The following HHIPL2 variants were observed in gnomAD, a reference collection of about 807,000 sequenced individuals.
HHIPL2 encodes HHIP-like protein 2.
A neutral mutation model predicts 61.0 loss-of-function variants in HHIPL2; 61 were observed. The observed-to-expected ratio is 1.00, with a 90% CI of 0.81 to 1.24. The LOEUF (loss-of-function observed/expected upper bound fraction) is 1.24. Among genes scored for constraint, HHIPL2 ranks in the 50% most tolerant of loss-of-function variants. The pLI, the probability that HHIPL2 is intolerant of heterozygous loss-of-function variation, is 0.00. For synonymous variants in HHIPL2, 343 were observed against 357.4 expected, an observed-to-expected ratio of 0.96 and a Z score of 0.45; for missense variants, 885 against 910.2, an observed-to-expected ratio of 0.97 and a Z score of 0.36.
intron 5 of HHIPL2, among the ~76,000 whole-genome samples, chr1:222,536,559 A>C (rs1659306191): frequency 6.6e-6 from 1 of 152,250 alleles, no homozygotes. Context: ...GGAAGAACAC[A>C]TAAGGAAAAA....
At chr1:222,542,516 C>T (rs1297708270) in intron 2 of HHIPL2, among the ~76,000 whole-genome samples, 2 of 149,894 alleles carry the variant, frequency 1.3e-5, no homozygotes, top group African/African-American at 4.9e-5. Context: ...ATTACCACCC[C>T]ACCACATCTG....
intron 2 of HHIPL2, among the ~76,000 whole-genome samples, chr1:222,542,556 A>T (rs1355470018): frequency 1.4e-4 from 13 of 91,700 alleles, no homozygotes; most frequent in Non-Finnish European, 2.4e-4. Flanking sequence ...TTTGAGATGG[A>T]GTCTTGCTCT....
chr1:222,541,898 G>C, intron 3 of HHIPL2, 114 bp downstream of exon 3: 1 of 1,084,588 alleles, frequency 9.2e-7, no homozygotes, highest in Non-Finnish European at 1.3e-6. Context: ...CATTGCCTCA[G>C]TGGAGTAGAC....
At chr1:222,542,978 CTCTT>C (rs1478511359) in intron 2 of HHIPL2, among the ~76,000 whole-genome samples, 2 of 152,166 alleles carry the variant, frequency 1.3e-5, no homozygotes, top group African/African-American at 4.8e-5. Flanking sequence ...GTTCTTTATG[CTCTT>C]TGCAATCCTC....
intron 7 of HHIPL2, chr1:222,524,021 A>G (rs549280137): frequency 4.8e-4 from 145 of 301,314 alleles, no homozygotes; most frequent in Admixed American, 2.0e-3. Flanking sequence ...ATCAAATGCA[A>G]AAACTAATGT....
rs1553271590 is a variant in HHIPL2 at position 222,546,047 on chromosome 1, A to AAATAAATAAATAAAT, written c.321+1676_321+1677insATTTATTTATTTATT. Among the ~76,000 whole-genome samples the AAATAAATAAATAAAT allele has an allele frequency of 5.6e-3, 788 of 141,354 alleles. 7 individuals are homozygous for AAATAAATAAATAAAT. Among genetic ancestry groups the AAATAAATAAATAAAT allele is most frequent in the Non-Finnish European group, 8.9e-3 (581 of 65,524 alleles). The allele number at this position is 141,354 out of a possible 152,430, so 92.7% of individuals were successfully genotyped here. ...GTGACAGAGTAAGACTCTGTCTCAA[A>AAATAAATAAATAAAT]AAATAAATAAATAAATAAATAAATA... On this transcript the variant is annotated intron_variant, in intron 1 of 8. Coordinates refer to ENST00000343410, the MANE Select transcript of HHIPL2 (RefSeq NM_024746.4).
rs1261883259 is a variant in HHIPL2 at position 222,542,053 on chromosome 1, C to T, written c.1077G>A (p.Gln359=). The change falls in exon 3 of 9, where the codon CAG becomes CAA. Residue 359 remains glutamine, a synonymous_variant. Coordinates refer to ENST00000343410, the MANE Select transcript of HHIPL2 (RefSeq NM_024746.4). Reference sequence around the variant, plus strand: ...CAAACAGGCCAAAGGGATCTCCAGCCTGTCCCCCGTCCCCAGTGAATATGT... The same window carrying T: ...CAAACAGGCCAAAGGGATCTCCAGCTTGTCCCCCGTCCCCAGTGAATATGT... ...YMYIFTGDGG[Q]AGDPFGLFGN... 1.2e-6 allele frequency: 2 copies of T among 1,614,042 alleles called. No individual in the cohort carries two copies. Among genetic ancestry groups the T allele is most frequent in the East Asian group, 2.2e-5 (1 of 44,846 alleles).
chr1:222,532,180 G>T, intron 5 of HHIPL2, 69 bp from the exon 6 acceptor site: 3 of 1,416,826 alleles, frequency 2.1e-6, no homozygotes, highest in Non-Finnish European at 2.9e-6. Flanking sequence ...TTTTCTCCTA[G>T]AATCAGAGAT....
chr1:222,536,905 T>A (rs1210029487), intron 5 of HHIPL2, among the ~76,000 whole-genome samples: 1 of 151,872 alleles, frequency 6.6e-6, no homozygotes, highest in African/African-American at 2.4e-5. Flanking sequence ...AAATTTTTTT[T>A]AATTAGCTGG....
At chr1:222,542,592 G>A (rs998066980) in intron 2 of HHIPL2, among the ~76,000 whole-genome samples, 10 of 146,668 alleles carry the variant, frequency 6.8e-5, no homozygotes, top group African/African-American at 1.5e-4. Context: ...ATGCAGTGGC[G>A]TGATCTTGGC....
At chr1:222,547,510 G>A (rs1659579198) in intron 1 of HHIPL2, among the ~76,000 whole-genome samples, 1 of 152,108 alleles carries the variant, frequency 6.6e-6, no homozygotes, top group African/African-American at 2.4e-5. Flanking sequence ...ATCAGGGCCA[G>A]CAGAATCCCA....
At chr1:222,544,509 TTC>T (rs1247228509) in intron 1 of HHIPL2, among the ~76,000 whole-genome samples, 4 of 152,154 alleles carry the variant, frequency 2.6e-5, no homozygotes, top group African/African-American at 9.7e-5. Context: ...CTAGATCTCT[TTC>T]TTATTTTTTA....
At chr1:222,524,066 A>T in intron 7 of HHIPL2, 1 of 195,480 alleles carries the variant, frequency 5.1e-6, no homozygotes, top group Non-Finnish European at 1.1e-5. Context: ...CCAGAACATA[A>T]CAAGAGCTCA....
intron 1 of HHIPL2, among the ~76,000 whole-genome samples, chr1:222,545,918 G>A (rs1659543900): frequency 6.6e-6 from 1 of 151,966 alleles, no homozygotes; most frequent in Admixed American, 6.6e-5. Flanking sequence ...GGTGTCATGT[G>A]CCTGTAGTCC....
At chr1:222,530,593 C>T (rs1338944914) in intron 6 of HHIPL2, among the ~76,000 whole-genome samples, 2 of 152,192 alleles carry the variant, frequency 1.3e-5, no homozygotes, top group African/African-American at 4.8e-5. Flanking sequence ...AGGAAAGGGT[C>T]CGGGAGCTGA....
At chr1:222,535,515 G>T (rs1335598333) in intron 5 of HHIPL2, among the ~76,000 whole-genome samples, 1 of 152,120 alleles carries the variant, frequency 6.6e-6, no homozygotes, top group Non-Finnish European at 1.5e-5. Context: ...CTCTGAAGTG[G>T]TCTTCACTAA....
Position 222,543,700 on chromosome 1 carries a change from C to A in HHIPL2, c.811G>T (p.Glu271Ter), listed in dbSNP as rs1659487601. The change falls in exon 2 of 9, where the codon GAG becomes TAG. Residue 271 changes from glutamate (E) to a stop codon, truncating the protein, a stop_gained. Coordinates refer to ENST00000343410, the MANE Select transcript of HHIPL2 (RefSeq NM_024746.4). LOFTEE classifies it high-confidence loss of function. Reference protein sequence around the residue: ...IVLTTPWIGDERGFLGLAFHP... With the variant: ...IVLTTPWIGD ...AAAGCCAACCCCAAGAAGCCTCTCT[C>A]ATCCCCGATCCATGGGGTGGTCAAC... The A allele has an allele frequency of 1.2e-6, 2 of 1,614,104 alleles. No homozygotes were observed. The highest frequency in any genetic ancestry group is 2.2e-5 in the South Asian group (2 of 91,082).
In HHIPL2 at chr1:222,542,164, GA is replaced by G. The variant is rs899851977; in HGVS notation, c.975-10del. The G allele has an allele frequency of 1.2e-6, 2 of 1,609,786 alleles. No homozygotes were observed. The highest frequency in any genetic ancestry group is 1.7e-6 in the Non-Finnish European group (2 of 1,179,088). ...CAATCTCCAAGATGACCCTGGAAGA[GA>G]AAAAAGAAACCACACGTTAGGATTT... On this transcript the variant is annotated splice_polypyrimidine_tract_variant and intron_variant, in intron 2 of 8. Transcript: ENST00000343410.
At chr1:222,527,860 T>C (rs1306325138) in intron 6 of HHIPL2, among the ~76,000 whole-genome samples, 1 of 152,222 alleles carries the variant, frequency 6.6e-6, no homozygotes, top group South Asian at 2.1e-4. Context: ...TCTGCCACCA[T>C]GTAAGAGGTG....
Sources: allele counts gnomAD v4.1 joint callset (sites outside exome capture counted in the v4.1 genomes callset), GRCh38; gene constraint gnomAD v4.1.1; transcripts MANE v1.5; gene names NCBI Gene and HGNC (gene_info 2026-07-23, HGNC 2026-07-21).